The following LLGL1 variants were observed in gnomAD, a reference collection of about 807,000 sequenced individuals.
LLGL1 encodes lethal(2) giant larvae protein homolog 1.
LLGL1 carries 58 observed loss-of-function variants against 110.6 expected under a neutral mutation model. That is an observed-to-expected ratio of 0.52 (90% CI 0.42 to 0.65). The LOEUF (loss-of-function observed/expected upper bound fraction) is 0.65, where lower values mean the gene tolerates loss of function less well. Among genes scored for constraint, LLGL1 ranks in the 30% least tolerant of loss-of-function variants. LLGL1 has a pLI of 0.00. For synonymous variants in LLGL1, 674 were observed against 607.2 expected, an observed-to-expected ratio of 1.11 and a Z score of -1.62; for missense variants, 1,229 against 1,462.1, an observed-to-expected ratio of 0.84 and a Z score of 2.60.
intron 22 of LLGL1, among the ~76,000 whole-genome samples, chr17:18,243,693 G>A (rs551114528): frequency 2.0e-5 from 3 of 152,184 alleles, no homozygotes; most frequent in Admixed American, 6.5e-5. Context: ...TCTTTGTCTG[G>A]TGCCTCTCCC....
chr17:18,236,196 G>C (rs1205626866), intron 11 of LLGL1: 1 of 190,968 alleles, frequency 5.2e-6, no homozygotes, highest in African/African-American at 2.4e-5. Context: ...CACCTACGTG[G>C]CTGCCTTGGG....
At chr17:18,239,002 CCTT>C (rs894725593) in intron 16 of LLGL1, among the ~76,000 whole-genome samples, 13 of 152,256 alleles carry the variant, frequency 8.5e-5, no homozygotes, top group African/African-American at 2.2e-4. Flanking sequence ...CAGAGTGAGA[CCTT>C]CTCAGAAAAA....
chr17:18,243,609 TG>T (rs2047905276), intron 22 of LLGL1, among the ~76,000 whole-genome samples: 1 of 152,236 alleles, frequency 6.6e-6, no homozygotes. Context: ...CCAGCGCATT[TG>T]CTGCCTCATG....
Position 18,240,163 on chromosome 17 carries a change from G to A in LLGL1, c.2207-415G>A, listed in dbSNP as rs768706403. Among the ~76,000 whole-genome samples the A allele has an allele frequency of 2.0e-5, 3 of 152,126 alleles. No homozygotes were observed. The highest frequency in any genetic ancestry group is 4.4e-5 in the Non-Finnish European group (3 of 68,010). ...CTGTCGACAGGACTAGCAAGGGGAC[G>A]CAGGGGTGGAGAGAGGAGTCGGGGT... On this transcript the variant is annotated intron_variant, in intron 16 of 22. Coordinates refer to ENST00000316843, the MANE Select transcript of LLGL1 (RefSeq NM_004140.4). This position sits in a 1 kb window ranked among gnomAD's most constrained non-coding sequence, Gnocchi z 5.3.
chr17:18,233,161 C>T (rs1316034869), intron 4 of LLGL1, among the ~76,000 whole-genome samples: 1 of 152,170 alleles, frequency 6.6e-6, no homozygotes, highest in African/African-American at 2.4e-5. Context: ...CAGTTAGTAA[C>T]AGGAAGGGTC....
chr17:18,242,823 G>A lies in LLGL1; in HGVS notation c.*1+1G>A. The A allele has an allele frequency of 1.9e-6, 3 of 1,549,528 alleles. No homozygotes were observed. Among genetic ancestry groups the A allele is most frequent in the South Asian group, 2.4e-5 (2 of 83,676 alleles). Reference sequence around the variant, plus strand: ...GCCTGTGCCATCCTGATCAAATGAGGTGCTGCAGGGGTGGGGCCCTGGTCC... The same window carrying A: ...GCCTGTGCCATCCTGATCAAATGAGATGCTGCAGGGGTGGGGCCCTGGTCC... On this transcript the variant is annotated splice_donor_variant, in intron 22 of 22. Transcript: ENST00000316843. LOFTEE classifies it low-confidence loss of function (3UTR_SPLICE).
intron 1 of LLGL1, among the ~76,000 whole-genome samples, chr17:18,226,015 G>C (rs1274362476): frequency 2.0e-5 from 3 of 152,074 alleles, no homozygotes; most frequent in African/African-American, 7.2e-5. Context: ...TCTGGCCCTG[G>C]CTCTGCCAGT....
rs370598852 is a variant in LLGL1, at chr17:18,242,669, C to T, written c.3116+41C>T. On this transcript the variant is annotated intron_variant, in intron 21 of 22. Coordinates refer to ENST00000316843, the MANE Select transcript of LLGL1 (RefSeq NM_004140.4). ...AGGTCCACAGGGGGGGCTGCCCTGT[C>T]CCCTAGGCCTCCGTCCCCAGGGCTG... 33 of 1,578,954 alleles carry T rather than the reference C, an allele frequency of 2.1e-5. No individual in the cohort carries two copies. In the East Asian group the frequency reaches 3.3e-4, roughly 16 times the overall value.
rs2047926988 is a variant in LLGL1, at chr17:18,244,247, T to C, written c.*341T>C. 1 of 150,476 alleles carries C rather than the reference T, an allele frequency of 6.6e-6. No homozygotes were observed. The highest frequency in any genetic ancestry group is 2.4e-5 in the African/African-American group (1 of 40,912). The allele number at this position is 150,476 out of a possible 1,614,324, so 9.3% of individuals were successfully genotyped here. ...ACTTTGCAGAGTATTTTTCCTTTTTTTTTTTTTTCTTAAAGACGGAGTCTT... is the reference window on the plus strand; with the variant it reads ...ACTTTGCAGAGTATTTTTCCTTTTTCTTTTTTTTCTTAAAGACGGAGTCTT... On this transcript the variant is annotated 3_prime_UTR_variant, in exon 23 of 23. Coordinates refer to ENST00000316843, the MANE Select transcript of LLGL1 (RefSeq NM_004140.4).
chr17:18,231,002 G>A (rs1399256249), intron 2 of LLGL1, among the ~76,000 whole-genome samples: 1 of 152,204 alleles, frequency 6.6e-6, no homozygotes, highest in Non-Finnish European at 1.5e-5. Context: ...CCGCTGCCTG[G>A]CCTGCTGCTC....
In LLGL1 at chr17:18,234,639, C is replaced by T; in HGVS notation, c.851-10C>T. On this transcript the variant is annotated splice_polypyrimidine_tract_variant and intron_variant, in intron 7 of 22. Transcript: ENST00000316843. ...CAGTGAGTCTGGTCTGACGCTGTCCCACCCCTCAGGCCCCTTTCCCTGCAA... is the reference window on the plus strand; with the variant it reads ...CAGTGAGTCTGGTCTGACGCTGTCCTACCCCTCAGGCCCCTTTCCCTGCAA... 1 of 1,614,100 alleles carries T rather than the reference C, an allele frequency of 6.2e-7. No individual in the cohort carries two copies. The highest frequency in any genetic ancestry group is 1.1e-5 in the South Asian group (1 of 91,082).
At chr17:18,225,971 T>A (rs1249212773) in intron 1 of LLGL1, among the ~76,000 whole-genome samples, 3 of 151,650 alleles carry the variant, frequency 2.0e-5, no homozygotes, top group Admixed American at 6.6e-5. Context: ...CCGGCCGACT[T>A]TCCGTGTCTG....
In LLGL1 at chr17:18,240,620, GCT is replaced by G; in HGVS notation, c.2252_2253del (p.Ser751CysfsTer16). On this transcript the variant is annotated frameshift_variant, in exon 17 of 23. Transcript: ENST00000316843. LOFTEE classifies it high-confidence loss of function. The surrounding 1 kb of genome is among the most constrained non-coding windows in gnomAD (Gnocchi z 5.3). ...ACCATGTGGGCTGGCACCAACTCAG[GCT>G]CTGTGTTCGCCTATGCACTGGAGGT... 1 of 1,609,488 alleles carries G rather than the reference GCT, an allele frequency of 6.2e-7. No homozygotes were observed. Among genetic ancestry groups the G allele is most frequent in the South Asian group, 1.1e-5 (1 of 90,880 alleles).
In LLGL1 at chr17:18,237,642, C is replaced by G; in HGVS notation, c.1773C>G (p.Val591=). ...GGCCTGCTGGCTTCCAGCCCCGTGT[C>G]CTGGTGCAGTGCCTGCCGCCAGCTG... is the stretch of plus-strand genomic sequence containing the variant. ...LPWPAGFQPR[V]LVQCLPPAAV... The change falls in exon 14 of 23, where the codon GTC becomes GTG. Residue 591 remains valine (V), a synonymous_variant. Coordinates refer to ENST00000316843, the MANE Select transcript of LLGL1 (RefSeq NM_004140.4). The G allele has an allele frequency of 1.2e-6, 2 of 1,612,028 alleles. No homozygotes were observed. Among genetic ancestry groups the G allele is most frequent in the Non-Finnish European group, 1.7e-6 (2 of 1,179,958 alleles).
At position 18,234,897 on chromosome 17, in the gene LLGL1, T is replaced by C. The variant is rs1188777529; in HGVS notation, c.964T>C (p.Cys322Arg). Reference sequence around the variant, plus strand: ...CCGTGCCAGCTATGGTGACCGCCACTGTGTAAGTGTGCTTCGAGCCGAGAC... The same window carrying C: ...CCGTGCCAGCTATGGTGACCGCCACCGTGTAAGTGTGCTTCGAGCCGAGAC... ...MPRASYGDRH[C>R]VSVLRAETLV... The change falls in exon 9 of 23, where the codon TGT becomes CGT. Residue 322 changes from cysteine (C) to arginine (R), a missense_variant. Transcript: ENST00000316843. 1 of 1,613,936 alleles carries C rather than the reference T, an allele frequency of 6.2e-7. No homozygotes were observed. The highest frequency in any genetic ancestry group is 8.5e-7 in the Non-Finnish European group (1 of 1,179,994).
Position 18,236,552 on chromosome 17 carries a change from G to A in LLGL1, c.1353-55G>A, listed in dbSNP as rs2047697821. The A allele has an allele frequency of 6.5e-6, 10 of 1,536,542 alleles. 1 individual carries two copies. The South Asian group carries it at 1.2e-4, about 18-fold the overall frequency. ...GTGGTTATCAGATGAGTGAATGGAG[G>A]GGCGTGCAGGCCTCCCAGGAACTCG... On this transcript the variant is annotated intron_variant, in intron 11 of 22. Transcript: ENST00000316843.
rs1459139655 is a variant in LLGL1, at chr17:18,240,984, G to A, written c.2502+111G>A. ...CTTCCTGCCTGTATCCCCCACTGTTGGGACCCTAATTCCCTTGCACCCCAG... is the reference window on the plus strand; with the variant it reads ...CTTCCTGCCTGTATCCCCCACTGTTAGGACCCTAATTCCCTTGCACCCCAG... On this transcript the variant is annotated intron_variant, in intron 17 of 22. Transcript: ENST00000316843. This position sits in a 1 kb window ranked among gnomAD's most constrained non-coding sequence, Gnocchi z 5.3. 2 of 1,187,256 alleles carry A rather than the reference G, an allele frequency of 1.7e-6. No homozygotes were observed. The highest frequency in any genetic ancestry group is 2.9e-5 in the Admixed American group (1 of 34,444). The allele number at this position is 1,187,256 out of a possible 1,614,324, so 73.5% of individuals were successfully genotyped here.
At position 18,234,330 on chromosome 17, in the gene LLGL1, G is replaced by A. The variant is rs550170712; in HGVS notation, c.772G>A (p.Asp258Asn). The change falls in exon 7 of 23, where the codon GAT (aspartate) becomes AAT (asparagine). Residue 258 changes from aspartate (D) to asparagine (N), a missense_variant. Transcript: ENST00000316843. ...DSSTVVSSHS[D>N]GSYAVWSVDA... ...CAGCACTGTGGTCAGCTCACACAGC[G>A]ATGGCAGCTATGCTGTCTGGTCTGT... The A allele has an allele frequency of 3.1e-6, 5 of 1,612,102 alleles. No individual in the cohort carries two copies. Among genetic ancestry groups the A allele is most frequent in the Admixed American group, 1.7e-5 (1 of 59,842 alleles).
chr17:18,238,217 G>A lies in LLGL1; in HGVS notation c.2052+3G>A, dbSNP rs1174710318. ...GGGCTGCTAATGCCAGCAGCAAGGT[G>A]AGCTGGGGTGGGCTGCACAGGAGCT... On this transcript the variant is annotated splice_donor_region_variant and intron_variant, in intron 15 of 22. Transcript: ENST00000316843. 2 of 1,610,136 alleles carry A rather than the reference G, an allele frequency of 1.2e-6. No individual in the cohort carries two copies. Among genetic ancestry groups the A allele is most frequent in the African/African-American group, 2.7e-5 (2 of 74,950 alleles).
Sources: gnomAD v4.1 joint callset for allele counts (sites outside exome capture counted in the v4.1 genomes callset) on GRCh38, gnomAD v4.1.1 for gene constraint, Gnocchi (gnomAD v3.1) non-coding constraint, MANE v1.5 for transcripts, NCBI Gene and HGNC (gene_info 2026-07-23, HGNC 2026-07-21) for gene names.